GRID1: variants seen among roughly 807,000 people sequenced by gnomAD.
The protein encoded by GRID1 is glutamate ionotropic receptor delta type subunit 1.
In GRID1, 28 loss-of-function variants were observed where a neutral mutation model predicts 98.0. The ratio of observed to expected loss-of-function variants is 0.29; its 90% CI spans 0.21 to 0.39. The LOEUF is 0.39. Among genes scored for constraint, GRID1 ranks in the 10% least tolerant of loss-of-function variants. GRID1 has a pLI of 1.00. For missense variants in GRID1, 1,111 were observed against 1,340.5 expected (o/e 0.83, Z 2.67); for synonymous variants, 553 against 538.5 (o/e 1.03, Z -0.37).
chr10:86,019,598 A>G (rs1180602609), intron 4 of GRID1, among the ~76,000 whole-genome samples: 1 of 152,240 alleles, frequency 6.6e-6, no homozygotes, highest in Non-Finnish European at 1.5e-5. Context: ...CAGATTGTCC[A>G]TTTAATCCTC....
intron 2 of GRID1, among the ~76,000 whole-genome samples, chr10:86,245,477 TTCCTCCTC>T (rs1846708954): frequency 7.3e-5 from 1 of 13,688 alleles, no homozygotes; most frequent in Admixed American, 9.0e-4. Flanking sequence ...CTTTACTCCA[TTCCTCCTC>T]TACCATTTGC....
At chr10:86,170,833 T>G (rs776143584) in intron 3 of GRID1, among the ~76,000 whole-genome samples, 2 of 152,202 alleles carry the variant, frequency 1.3e-5, no homozygotes, top group Non-Finnish European at 2.9e-5. Flanking sequence ...TCTGGATCCG[T>G]GCTTCCTGTC....
At chr10:86,037,482 G>A (rs552492487) in intron 4 of GRID1, among the ~76,000 whole-genome samples, 1 of 152,294 alleles carries the variant, frequency 6.6e-6, no homozygotes, top group East Asian at 1.9e-4. Context: ...GTTTAGACCA[G>A]GGTCTGTTCC....
At chr10:85,739,294 T>C (rs539918615) in intron 8 of GRID1, among the ~76,000 whole-genome samples, 1 of 152,082 alleles carries the variant, frequency 6.6e-6, no homozygotes, top group African/African-American at 2.4e-5. Flanking sequence ...CAAAATAACA[T>C]TATGGCCGGG....
chr10:85,984,793 C>G (rs868014416), intron 4 of GRID1, among the ~76,000 whole-genome samples: 1 of 152,158 alleles, frequency 6.6e-6, no homozygotes, highest in African/African-American at 2.4e-5. Context: ...ACAGCCCCCA[C>G]CTTGAGTCCC....
rs184892730 is a variant in GRID1 at position 86,316,978 on chromosome 10, G to C, written c.235+46963C>G. ...CCCAAGAGATTCAGTCCAGCTGGTG[G>C]GGGTGTTGGGACAGGAATCTGTATA... On this transcript the variant is annotated intron_variant, in intron 2 of 15. Transcript: ENST00000327946. 2.6e-5 allele frequency among the ~76,000 whole-genome samples: 4 copies of C among 152,302 alleles called. No homozygotes were observed. In the South Asian group the frequency reaches 8.3e-4, roughly 32 times the overall value.
intron 8 of GRID1, among the ~76,000 whole-genome samples, chr10:85,801,104 AAT>A (rs1163809793): frequency 2.0e-5 from 3 of 152,092 alleles, no homozygotes; most frequent in African/African-American, 7.2e-5. Flanking sequence ...TAAAAACTAA[AAT>A]ATGAGAGAAT....
rs185881925 is a variant in GRID1 at position 86,365,504 on chromosome 10, C to T, written c.79+810G>A. Among the ~76,000 whole-genome samples, 12 of 151,636 alleles carry T rather than the reference C, an allele frequency of 7.9e-5. No individual in the cohort carries two copies. The highest frequency in any genetic ancestry group is 2.7e-4 in the African/African-American group (11 of 41,230). ...TCCTCTGCGCTTTCATCTTCTCTCC[C>T]GGTTCTCTCTCTCTATCCATCTCTT... On this transcript the variant is annotated intron_variant, in intron 1 of 15. Coordinates refer to ENST00000327946, the MANE Select transcript of GRID1 (RefSeq NM_017551.3). The surrounding 1 kb of genome is among the most constrained non-coding windows in gnomAD (Gnocchi z 4.8).
chr10:85,764,291 C>G (rs74148756), intron 8 of GRID1, among the ~76,000 whole-genome samples: 3,416 of 152,290 alleles, frequency 0.022, 127 homozygotes, highest in African/African-American at 0.077. Context: ...CAGAATCCCC[C>G]CGAGGAGTGG....
intron 2 of GRID1, among the ~76,000 whole-genome samples, chr10:86,341,012 G>T (rs2132109800): frequency 6.6e-6 from 1 of 152,230 alleles, no homozygotes; most frequent in South Asian, 2.1e-4. Flanking sequence ...ATCCAGGCTA[G>T]CTACTGTAAT....
chr10:85,850,460 T>C (rs1031178463), intron 8 of GRID1, among the ~76,000 whole-genome samples: 2 of 152,006 alleles, frequency 1.3e-5, no homozygotes, highest in African/African-American at 4.8e-5. Flanking sequence ...TTATATGGAG[T>C]GGACATCTGC....
At chr10:86,234,785 C>CGGATGG (rs376292009) in intron 2 of GRID1, among the ~76,000 whole-genome samples, 18,599 of 152,154 alleles carry the variant, frequency 0.12, 1,515 homozygotes, top group South Asian at 0.25. Flanking sequence ...CTCCATGGTC[C>CGGATGG]ATCCAGCTCT....
intron 8 of GRID1, among the ~76,000 whole-genome samples, chr10:85,733,599 A>C (rs11201757): frequency 0.059 from 9,029 of 152,270 alleles, 505 homozygotes; most frequent in African/African-American, 0.15. Flanking sequence ...AAATGTGTTG[A>C]GATTACAGGC....
intron 4 of GRID1, among the ~76,000 whole-genome samples, chr10:86,115,556 C>T (rs1346027541): frequency 4.6e-5 from 7 of 152,184 alleles, no homozygotes; most frequent in South Asian, 2.1e-4. Flanking sequence ...AATCTCATTA[C>T]CCCCATTTTT....
chr10:86,185,646 A>C (rs572023838), intron 3 of GRID1, among the ~76,000 whole-genome samples: 9 of 152,280 alleles, frequency 5.9e-5, no homozygotes, highest in Admixed American at 2.6e-4. Context: ...GTTACCTTAT[A>C]TCCCCAGTTT....
At chr10:86,263,918 T>C (rs1432326833) in intron 2 of GRID1, among the ~76,000 whole-genome samples, 1 of 152,048 alleles carries the variant, frequency 6.6e-6, no homozygotes, top group African/African-American at 2.4e-5. Context: ...TGCTTGAAAA[T>C]ATTTGGCTCA....
intron 4 of GRID1, among the ~76,000 whole-genome samples, chr10:85,986,706 C>T (rs1842612548): frequency 6.6e-6 from 1 of 152,218 alleles, no homozygotes; most frequent in South Asian, 2.1e-4. Flanking sequence ...GCTCAGCCTG[C>T]ATCTGCTCCT....
intron 8 of GRID1, among the ~76,000 whole-genome samples, chr10:85,833,524 CA>C (rs113962227): frequency 0.074 from 7,724 of 103,776 alleles, 192 homozygotes; most frequent in Middle Eastern, 0.092. Flanking sequence ...TAACTCCCAA[CA>C]AAAAAAAAAA....
intron 4 of GRID1, among the ~76,000 whole-genome samples, chr10:86,056,654 C>T (rs1340897074): frequency 5.9e-5 from 9 of 152,196 alleles, no homozygotes; most frequent in African/African-American, 9.6e-5. Context: ...AAGTTGCTTC[C>T]GCCCACCAGC....
Sources: gnomAD v4.1 joint callset for allele counts (sites outside exome capture counted in the v4.1 genomes callset) on GRCh38, gnomAD v4.1.1 for gene constraint, Gnocchi (gnomAD v3.1) non-coding constraint, MANE v1.5 for transcripts, NCBI Gene and HGNC (gene_info 2026-07-23, HGNC 2026-07-21) for gene names.